NT5M: variants seen among roughly 807,000 people sequenced by gnomAD.
The protein encoded by NT5M is 5',3'-nucleotidase, mitochondrial, also known as 5'(3')-deoxyribonucleotidase, mitochondrial.
Under a neutral mutation model 22.2 loss-of-function variants are expected in NT5M, and 22 were observed. The ratio of observed to expected loss-of-function variants is 0.99; its 90% CI spans 0.71 to 1.41. The LOEUF (loss-of-function observed/expected upper bound fraction) is 1.41, where lower values mean the gene tolerates loss of function less well. Ranked by LOEUF, NT5M falls within the 40% of genes most tolerant of loss-of-function variation. The probability of loss-of-function intolerance (pLI) is 0.00; values close to 1 mark genes in which losing one functional copy is unlikely to be tolerated. For synonymous variants in NT5M, 167 were observed against 133.0 expected, an observed-to-expected ratio of 1.26 and a Z score of -1.76; for missense variants, 322 against 314.8, an observed-to-expected ratio of 1.02 and a Z score of -0.17.
rs1205814793 is a variant in NT5M at position 17,306,677 on chromosome 17, G to T, written c.368+34G>T. ...GTCCTCCCAGCCACTCAGTAAGTTT[G>T]TCTGAGCAGCCACTGAGCCCTGTAC... On this transcript the variant is annotated intron_variant, in intron 2 of 4. Coordinates refer to ENST00000389022, the MANE Select transcript of NT5M (RefSeq NM_020201.4). The T allele has an allele frequency of 4.8e-6, 7 of 1,453,174 alleles. No homozygotes were observed. The East Asian group carries it at 9.0e-5, about 19-fold the overall frequency. 90.0% of individuals were successfully genotyped at this position (1,453,174 alleles called of 1,614,324 possible).
At chr17:17,310,764 AG>A (rs2048906378) in intron 2 of NT5M, among the ~76,000 whole-genome samples, 1 of 109,950 alleles carries the variant, frequency 9.1e-6, no homozygotes, top group Non-Finnish European at 1.8e-5. Context: ...CTTGAACCTC[AG>A]GGGGGTGGAG....
rs753990935 is a variant in NT5M, at chr17:17,306,659, C to G, written c.368+16C>G. On this transcript the variant is annotated intron_variant, in intron 2 of 4. Transcript: ENST00000389022. ...GCCTACAAAAGTAAGTTTGTCCTCC[C>G]AGCCACTCAGTAAGTTTGTCTGAGC... 1 of 1,567,466 alleles carries G rather than the reference C, an allele frequency of 6.4e-7. No individual in the cohort carries two copies. Among genetic ancestry groups the G allele is most frequent in the South Asian group, 1.1e-5 (1 of 90,196 alleles).
rs2049780517 is a variant in NT5M, at chr17:17,347,273, C to G, written c.*326C>G. ...CTGTTCAGGGGGCTGGTGGCCGTCT[C>G]CACTCCCTAGGCAAGTTCTCTGAGG... On this transcript the variant is annotated 3_prime_UTR_variant, in exon 5 of 5. Transcript: ENST00000389022. The G allele has an allele frequency of 9.8e-6, 3 of 305,920 alleles. No individual in the cohort carries two copies. Among genetic ancestry groups the G allele is most frequent in the African/African-American group, 2.2e-5 (1 of 45,552 alleles). 19.0% of individuals were successfully genotyped at this position (305,920 alleles called of 1,614,324 possible). A position where few individuals can be genotyped will look rare whatever the true frequency, so the allele number is the denominator to read the frequency against.
intron 3 of NT5M, among the ~76,000 whole-genome samples, chr17:17,342,786 G>C (rs1335257983): frequency 1.3e-5 from 2 of 152,230 alleles, no homozygotes; most frequent in Admixed American, 6.5e-5. Flanking sequence ...TGAGGTTGGA[G>C]CTCTGTGCTG....
intron 3 of NT5M, among the ~76,000 whole-genome samples, chr17:17,334,608 T>G (rs976047889): frequency 4.6e-5 from 7 of 151,456 alleles, no homozygotes; most frequent in African/African-American, 1.7e-4. Flanking sequence ...CCCGAGTAGC[T>G]GGGATTACAG....
chr17:17,335,026 C>T (rs1347909863), intron 3 of NT5M, among the ~76,000 whole-genome samples: 1 of 151,802 alleles, frequency 6.6e-6, no homozygotes, highest in Non-Finnish European at 1.5e-5. Context: ...TCTACCTTCT[C>T]TCAGCAATGT....
At chr17:17,312,228 C>G (rs1361063423) in intron 2 of NT5M, among the ~76,000 whole-genome samples, 1 of 152,218 alleles carries the variant, frequency 6.6e-6, no homozygotes, top group Non-Finnish European at 1.5e-5. Flanking sequence ...CTTAAGCCAC[C>G]ACGGTATGGG....
At chr17:17,331,635 G>A (rs1283858696) in intron 3 of NT5M, among the ~76,000 whole-genome samples, 1 of 150,990 alleles carries the variant, frequency 6.6e-6, no homozygotes, top group Non-Finnish European at 1.5e-5. Context: ...TCGTTCTGTT[G>A]CCCAGGTGGA....
Position 17,323,246 on chromosome 17 carries a change from G to T in NT5M, c.429+1G>T. ...GTTCAAGTACTGTCCCTATGAGAAG[G>T]TAAGGCGTGCGTCTGCTCAGCTGAG... On this transcript the variant is annotated splice_donor_variant, in intron 3 of 4. Transcript: ENST00000389022. LOFTEE classifies it high-confidence loss of function. 1 of 1,613,414 alleles carries T rather than the reference G, an allele frequency of 6.2e-7. No homozygotes were observed.
At position 17,346,854 on chromosome 17, in the gene NT5M, C is replaced by T; in HGVS notation, c.594C>T (p.His198=). The part of the protein sequence containing the change: ...SWEHVLFTAC[H]NQHLQLQPPR... ...AGCATGTCCTCTTCACCGCCTGCCACAACCAGCACCTGCAGCTGCAGCCCC... is the reference window on the plus strand; with the variant it reads ...AGCATGTCCTCTTCACCGCCTGCCATAACCAGCACCTGCAGCTGCAGCCCC... The change falls in exon 5 of 5, where the codon CAC becomes CAT. Residue 198 remains histidine, a synonymous_variant. Transcript: ENST00000389022. 1 of 1,608,548 alleles carries T rather than the reference C, an allele frequency of 6.2e-7. No homozygotes were observed. Among genetic ancestry groups the T allele is most frequent in the Admixed American group, 1.7e-5 (1 of 60,020 alleles).
intron 3 of NT5M, among the ~76,000 whole-genome samples, chr17:17,336,159 C>T (rs1410676044): frequency 6.6e-6 from 1 of 151,798 alleles, no homozygotes; most frequent in Non-Finnish European, 1.5e-5. Flanking sequence ...CCCGCCACCA[C>T]GCCCAGCTAA....
At chr17:17,326,943 A>G (rs573379242) in intron 3 of NT5M, among the ~76,000 whole-genome samples, 3 of 152,236 alleles carry the variant, frequency 2.0e-5, no homozygotes, top group East Asian at 1.9e-4. Flanking sequence ...ACAGGGTCTC[A>G]CTATGTCACC....
chr17:17,319,298 G>A, intron 2 of NT5M, among the ~76,000 whole-genome samples: 1 of 152,062 alleles, frequency 6.6e-6, no homozygotes, highest in East Asian at 1.9e-4. Context: ...GGGAGGGGCT[G>A]TGGGAATGAC....
intron 3 of NT5M, chr17:17,333,522 G>A (rs2049430894): frequency 6.6e-6 from 1 of 152,464 alleles, no homozygotes; most frequent in Non-Finnish European, 1.5e-5. Context: ...TGTTGCCCAA[G>A]CTGGTCTTGA....
chr17:17,346,441 G>T (rs933874417), intron 4 of NT5M, among the ~76,000 whole-genome samples: 1 of 152,196 alleles, frequency 6.6e-6, no homozygotes, highest in African/African-American at 2.4e-5. Flanking sequence ...GAGGGAAGTT[G>T]GGGGAACACC....
At chr17:17,320,147 C>T (rs1368913661) in intron 2 of NT5M, among the ~76,000 whole-genome samples, 2 of 152,142 alleles carry the variant, frequency 1.3e-5, no homozygotes, top group Admixed American at 6.5e-5. Flanking sequence ...CAGCCTCCCA[C>T]GTATGTCTTT....
chr17:17,325,374 A>G (rs568309385), intron 3 of NT5M, among the ~76,000 whole-genome samples: 96 of 152,072 alleles, frequency 6.3e-4, no homozygotes, highest in Non-Finnish European at 1.2e-3. Flanking sequence ...TTCCTTGTGC[A>G]TGGCAGTGCT....
intron 3 of NT5M, among the ~76,000 whole-genome samples, chr17:17,336,554 CT>C (rs71355546): frequency 0.21 from 29,071 of 136,632 alleles, 2,810 homozygotes; most frequent in South Asian, 0.28. Context: ...TTTTTCTTTT[CT>C]TTTTTTTTTT....
chr17:17,308,381 C>T (rs888727790), intron 2 of NT5M, among the ~76,000 whole-genome samples: 4 of 152,006 alleles, frequency 2.6e-5, no homozygotes, highest in African/African-American at 9.7e-5. Flanking sequence ...ATCAAGAGGT[C>T]AGGAGTTCGA....
Sources: gnomAD v4.1 joint callset for allele counts (sites outside exome capture counted in the v4.1 genomes callset) on GRCh38, gnomAD v4.1.1 for gene constraint, MANE v1.5 for transcripts, NCBI Gene and HGNC (gene_info 2026-07-23, HGNC 2026-07-21) for gene names.